MIPEP: variants seen among roughly 807,000 people sequenced by gnomAD.
MIPEP encodes the protein mitochondrial intermediate peptidase.
Under a neutral mutation model 90.3 loss-of-function variants are expected in MIPEP, and 79 were observed. The ratio of observed to expected loss-of-function variants is 0.87; its 90% confidence interval spans 0.73 to 1.05. The LOEUF (loss-of-function observed/expected upper bound fraction) is 1.05, where lower values mean the gene tolerates loss of function less well. Ranked by LOEUF, MIPEP falls within the 50% of genes least tolerant of loss-of-function variation. The probability of loss-of-function intolerance (pLI) is 0.00; values close to 1 mark genes in which losing one functional copy is unlikely to be tolerated. For missense variants in MIPEP, 940 were observed against 905.6 expected (o/e 1.04, Z -0.49); for synonymous variants, 334 against 315.8 (o/e 1.06, Z -0.61).
intron 1 of MIPEP, chr13:23,888,002 C>T (rs1203974898): frequency 2.7e-6 from 1 of 374,216 alleles, no homozygotes; most frequent in African/African-American, 2.2e-5. Context: ...ATCGGATTAC[C>T]AGTGACCATA....
intron 16 of MIPEP, among the ~76,000 whole-genome samples, chr13:23,801,362 G>A (rs898710151): frequency 6.6e-6 from 1 of 152,238 alleles, no homozygotes; most frequent in Non-Finnish European, 1.5e-5. Context: ...ACTCCCCACA[G>A]TCAGTGTCCT....
At chr13:23,789,057 C>T (rs1047876120) in intron 16 of MIPEP, among the ~76,000 whole-genome samples, 1 of 152,156 alleles carries the variant, frequency 6.6e-6, no homozygotes, top group Admixed American at 6.5e-5. Flanking sequence ...ATCTGCCCAC[C>T]TTGCCTTCCC....
chr13:23,769,539 A>T (rs1289177794), intron 16 of MIPEP, among the ~76,000 whole-genome samples: 1 of 152,150 alleles, frequency 6.6e-6, no homozygotes, highest in East Asian at 1.9e-4. Context: ...TATCACCAAC[A>T]GATTGCACAC....
intron 5 of MIPEP, among the ~76,000 whole-genome samples, chr13:23,873,698 G>C (rs890768722): frequency 6.6e-6 from 1 of 152,210 alleles, no homozygotes; most frequent in Non-Finnish European, 1.5e-5. Context: ...ACAATGCAAG[G>C]ACTTGGTTAG....
At chr13:23,770,761 T>C (rs1952640624) in intron 16 of MIPEP, among the ~76,000 whole-genome samples, 1 of 152,182 alleles carries the variant, frequency 6.6e-6, no homozygotes, top group Non-Finnish European at 1.5e-5. Flanking sequence ...GAAGATTTAT[T>C]GAAGAGGGGG....
At chr13:23,805,615 A>G (rs1026472647) in intron 16 of MIPEP, among the ~76,000 whole-genome samples, 2 of 152,208 alleles carry the variant, frequency 1.3e-5, no homozygotes, top group East Asian at 3.9e-4. Context: ...AATGAAAATG[A>G]TTCAGGACTG....
intron 16 of MIPEP, among the ~76,000 whole-genome samples, chr13:23,788,846 T>C (rs1952873920): frequency 6.6e-6 from 1 of 152,260 alleles, no homozygotes; most frequent in African/African-American, 2.4e-5. Flanking sequence ...CTTCAGGTTC[T>C]TGGTCCCTCC....
At chr13:23,806,724 C>CTATCTATCTATA (rs1394725149) in intron 15 of MIPEP, among the ~76,000 whole-genome samples, 5 of 140,870 alleles carry the variant, frequency 3.5e-5, no homozygotes, top group African/African-American at 1.2e-4. Context: ...CTATATCTAT[C>CTATCTATCTATA]TATCTATCTA....
intron 18 of MIPEP, among the ~76,000 whole-genome samples, chr13:23,748,262 A>G (rs1372038831): frequency 6.6e-6 from 1 of 152,226 alleles, no homozygotes; most frequent in Non-Finnish European, 1.5e-5. Context: ...CTATTTTGGT[A>G]TTCGTGTATT....
intron 17 of MIPEP, among the ~76,000 whole-genome samples, chr13:23,757,581 A>G (rs186393353): frequency 1.6e-4 from 24 of 152,352 alleles, no homozygotes; most frequent in African/African-American, 5.5e-4. Flanking sequence ...GAGTGAAGGA[A>G]GAGAAGCTGG....
chr13:23,889,006 T>G, intron 1 of MIPEP, 126 bp downstream of exon 1: 2 of 913,038 alleles, frequency 2.2e-6, no homozygotes, highest in Non-Finnish European at 3.0e-6. Flanking sequence ...GACGCCACTG[T>G]AAAAGGTGGG....
intron 18 of MIPEP, chr13:23,747,439 G>A (rs1264903649): frequency 4.6e-6 from 2 of 432,026 alleles, no homozygotes; most frequent in Non-Finnish European, 9.3e-6. Flanking sequence ...TATTATGCCT[G>A]CTATCTAGCT....
chr13:23,773,633 C>G (rs1308130255), intron 16 of MIPEP, among the ~76,000 whole-genome samples: 1 of 152,200 alleles, frequency 6.6e-6, no homozygotes, highest in Non-Finnish European at 1.5e-5. Context: ...CTTGCTACTG[C>G]CCATCTTTTT....
At chr13:23,796,797 T>C (rs1054466638) in intron 16 of MIPEP, among the ~76,000 whole-genome samples, 3 of 152,232 alleles carry the variant, frequency 2.0e-5, no homozygotes, top group African/African-American at 7.2e-5. Context: ...GTGGTTACTT[T>C]CCTTTGCATA....
chr13:23,836,415 C>A, intron 13 of MIPEP, 66 bp from the exon 14 acceptor site: 10 of 845,828 alleles, frequency 1.2e-5, no homozygotes, highest in Non-Finnish European at 1.6e-5. Context: ...TTTTTGTGTG[C>A]CCTTTAAAAC....
intron 7 of MIPEP, among the ~76,000 whole-genome samples, chr13:23,868,844 T>C (rs1211192168): frequency 6.6e-6 from 1 of 152,202 alleles, no homozygotes; most frequent in Non-Finnish European, 1.5e-5. Context: ...ACACCTCACC[T>C]AGCACAAACC....
chr13:23,744,693 C>T (rs1341156450), intron 18 of MIPEP, among the ~76,000 whole-genome samples: 1 of 152,306 alleles, frequency 6.6e-6, no homozygotes, highest in African/African-American at 2.4e-5. Flanking sequence ...AATAAAATAA[C>T]AAATGTATGC....
At chr13:23,782,453 G>A (rs1241983719) in intron 16 of MIPEP, among the ~76,000 whole-genome samples, 1 of 152,190 alleles carries the variant, frequency 6.6e-6, no homozygotes, top group Non-Finnish European at 1.5e-5. Context: ...CACATTTAAA[G>A]CAGTGTGTAG....
chr13:23,871,437 C>T (rs758606149), intron 5 of MIPEP, among the ~76,000 whole-genome samples: 8 of 152,086 alleles, frequency 5.3e-5, no homozygotes, highest in Non-Finnish European at 8.8e-5. Context: ...TTATTGGTTA[C>T]TCAAAAACTA....
Sources: allele counts gnomAD v4.1 joint callset (sites outside exome capture counted in the v4.1 genomes callset), GRCh38; gene constraint gnomAD v4.1.1; transcripts MANE v1.5; gene names NCBI Gene and HGNC (gene_info 2026-07-23, HGNC 2026-07-21).